CHTOP: variants seen among roughly 807,000 people sequenced by gnomAD.
CHTOP encodes chromatin target of PRMT1.
A neutral mutation model predicts 33.6 loss-of-function variants in CHTOP; 18 were observed. That is an observed-to-expected ratio of 0.54 (90% CI 0.37 to 0.80). The LOEUF (loss-of-function observed/expected upper bound fraction) is 0.80. CHTOP is among the 30% of genes least tolerant of loss of function. CHTOP has a pLI of 0.00. For missense variants in CHTOP, 263 were observed against 336.8 expected, an observed-to-expected ratio of 0.78 and a Z score of 1.71; for synonymous variants, 117 against 127.7, an observed-to-expected ratio of 0.92 and a Z score of 0.56.
chr1:153,639,017 A>T (rs1668517310), intron 3 of CHTOP, among the ~76,000 whole-genome samples: 1 of 151,938 alleles, frequency 6.6e-6, no homozygotes, highest in Non-Finnish European at 1.5e-5. Context: ...AACAGCTGGG[A>T]CTAAAGGTGC....
chr1:153,640,467 A>G (rs965336206), intron 3 of CHTOP, among the ~76,000 whole-genome samples: 2 of 151,970 alleles, frequency 1.3e-5, no homozygotes, highest in African/African-American at 4.8e-5. Context: ...ACTCTGTCTC[A>G]AGAAAATAAG....
At chr1:153,640,312 T>TG (rs1668572671) in intron 3 of CHTOP, among the ~76,000 whole-genome samples, 1 of 117,722 alleles carries the variant, frequency 8.5e-6, no homozygotes, top group South Asian at 2.7e-4. Flanking sequence ...CCATCTCTAC[T>TG]AAAAAAAAAA....
intron 1 of CHTOP, among the ~76,000 whole-genome samples, chr1:153,635,615 GT>G (rs1040571499): frequency 1.3e-5 from 2 of 151,960 alleles, no homozygotes; most frequent in Non-Finnish European, 2.9e-5. Context: ...GAGGTCAGGA[GT>G]TCAAGACCAC....
chr1:153,641,433 A>G (rs1571319426), intron 3 of CHTOP, among the ~76,000 whole-genome samples: 1 of 152,306 alleles, frequency 6.6e-6, no homozygotes, highest in Middle Eastern at 3.4e-3. Flanking sequence ...CTATCTCTGT[A>G]GTGTGTCCTT....
At position 153,643,360 on chromosome 1, in the gene CHTOP, T is replaced by A; in HGVS notation, c.537T>A (p.Gly179=). The change falls in exon 5 of 6, where the codon GGT becomes GGA. Residue 179 remains glycine, a synonymous_variant. Coordinates refer to ENST00000368694, the MANE Select transcript of CHTOP (RefSeq NM_015607.4). ...CTATGGGTCGTGGCGGAATCGGTGG[T>A]AGAGGTTAGTCAGCTACCAACTTCA... is the stretch of plus-strand genomic sequence containing the variant. ...RGAMGRGGIG[G]RGRGMIGRGR... is the part of the protein sequence containing the mutation. 6.4e-7 allele frequency: 1 copy of A among 1,556,268 alleles called. No individual in the cohort carries two copies. Among genetic ancestry groups the A allele is most frequent in the East Asian group, 2.3e-5 (1 of 43,210 alleles).
At chr1:153,640,342 G>A (rs915540978) in intron 3 of CHTOP, among the ~76,000 whole-genome samples, 9 of 150,270 alleles carry the variant, frequency 6.0e-5, no homozygotes, top group African/African-American at 1.7e-4. Context: ...GCATGGTGGC[G>A]CATACCTGTA....
rs751998358 is a variant in CHTOP at position 153,634,857 on chromosome 1, T to TATA, written c.-18+514_-18+515insATA. On this transcript the variant is annotated intron_variant, in intron 1 of 5. Transcript: ENST00000368694. ...ATATATACATACATATATATATATA[T>TATA]TTTTTTTTGGGGGGGGACGGAGTTT... Among the ~76,000 whole-genome samples, 117 of 86,818 alleles carry TATA rather than the reference T, an allele frequency of 1.3e-3. 1 individual carries two copies. Among genetic ancestry groups the TATA allele is most frequent in the Admixed American group, 0.01 (72 of 7,112 alleles). The allele number at this position is 86,818 out of a possible 152,430, so 57.0% of individuals were successfully genotyped here. A position where few individuals can be genotyped will look rare whatever the true frequency, so the allele number is the denominator to read the frequency against.
intron 3 of CHTOP, among the ~76,000 whole-genome samples, chr1:153,641,638 TTC>T (rs1668628008): frequency 6.6e-6 from 1 of 152,226 alleles, no homozygotes. Flanking sequence ...AGATTTGACT[TTC>T]TTGTGTTTAT....
Position 153,638,455 on chromosome 1 carries a change from G to A in CHTOP, c.219+7G>A, listed in dbSNP as rs769743553. ...AGCATTAAAACTTAAGCAGGTGAGA[G>A]AATGGGTCTTAATGCTCCAGAAGCA... On this transcript the variant is annotated splice_region_variant and intron_variant, in intron 3 of 5. Coordinates refer to ENST00000368694, the MANE Select transcript of CHTOP (RefSeq NM_015607.4). The A allele has an allele frequency of 1.2e-6, 2 of 1,614,138 alleles. No individual in the cohort carries two copies. The highest frequency in any genetic ancestry group is 1.7e-6 in the Non-Finnish European group (2 of 1,180,004).
At chr1:153,643,086 T>A in intron 4 of CHTOP, 141 bp from the exon 5 acceptor site, 1 of 916,408 alleles carries the variant, frequency 1.1e-6, no homozygotes, top group Non-Finnish European at 1.8e-6. Context: ...GCTTAATCTG[T>A]TCACAGTATG....
At chr1:153,643,404 CTTTCCTCCCTTAA>C in intron 5 of CHTOP, 40 bp downstream of exon 5, 1 of 1,471,754 alleles carries the variant, frequency 6.8e-7, no homozygotes, top group Non-Finnish European at 9.0e-7. Context: ...CTCCCCCTTA[CTTTCCTCCCTTAA>C]AAACTCAGAG....
chr1:153,642,992 G>T, intron 4 of CHTOP: 1 of 530,370 alleles, frequency 1.9e-6, no homozygotes, highest in East Asian at 3.5e-5. Context: ...TTTATTAAAT[G>T]TATGTACTTA....
chr1:153,639,423 G>A (rs1194012809), intron 3 of CHTOP: 1 of 983,296 alleles, frequency 1.0e-6, no homozygotes, highest in Non-Finnish European at 1.2e-6. Context: ...AGCTGTGGCT[G>A]GGCGTCTGGA....
At chr1:153,644,013 T>G (rs1229702259) in intron 5 of CHTOP, 1 of 152,232 alleles carries the variant, frequency 6.6e-6, no homozygotes, top group Non-Finnish European at 1.5e-5. Context: ...AGTTTAATGA[T>G]GTTGCTGCTG....
intron 3 of CHTOP, among the ~76,000 whole-genome samples, chr1:153,641,657 C>A (rs1258048862): frequency 6.6e-6 from 1 of 152,154 alleles, no homozygotes; most frequent in Non-Finnish European, 1.5e-5. Context: ...TTATTTACAT[C>A]TTAAGGTAAA....
intron 1 of CHTOP, 85 bp from the exon 2 acceptor site, chr1:153,636,487 T>G: frequency 9.3e-7 from 1 of 1,074,894 alleles, no homozygotes; most frequent in Admixed American, 2.0e-5. Context: ...TAAGGCCTTT[T>G]TATTTATTTT....
In CHTOP at chr1:153,642,324, A is replaced by G. The variant is rs779751752; in HGVS notation, c.298A>G (p.Ile100Val). ...RPIGALARGA[I>V]GGRGLPIIQR... is the part of the protein sequence containing the mutation. Reference sequence around the variant, plus strand: ...CATAGGGGCCCTGGCCAGGGGAGCAATCGGAGGACGAGGCCTACCCATAAT... The same window carrying G: ...CATAGGGGCCCTGGCCAGGGGAGCAGTCGGAGGACGAGGCCTACCCATAAT... The change falls in exon 4 of 6, where the codon ATC (isoleucine) becomes GTC (valine). Residue 100 changes from isoleucine (I) to valine (V), a missense_variant. By Grantham distance (29) the Ile-to-Val change is conservative. This residue lies in a region of CHTOP where 168 missense variants were observed against 179.9 expected (regional missense o/e 0.93). Coordinates refer to ENST00000368694, the MANE Select transcript of CHTOP (RefSeq NM_015607.4). The G allele has an allele frequency of 1.6e-4, 253 of 1,614,048 alleles. 1 individual carries two copies. The highest frequency in any genetic ancestry group is 2.0e-4 in the Non-Finnish European group (235 of 1,180,014).
intron 1 of CHTOP, among the ~76,000 whole-genome samples, chr1:153,635,798 G>A (rs1668362626): frequency 6.6e-6 from 1 of 151,816 alleles, no homozygotes; most frequent in Non-Finnish European, 1.5e-5. Context: ...CTCCAGCCTG[G>A]GCGACAGAGC....
At chr1:153,642,173 T>C (rs1668648266) in intron 3 of CHTOP, 73 bp from the exon 4 acceptor site, 2 of 1,317,790 alleles carry the variant, frequency 1.5e-6, no homozygotes, top group South Asian at 2.8e-5. Flanking sequence ...TCTTTTTCTC[T>C]GCACTTTGAG....
Sources: allele counts gnomAD v4.1 joint callset (sites outside exome capture counted in the v4.1 genomes callset), GRCh38; gene constraint gnomAD v4.1.1; regional missense constraint gnomAD v4.1.1; transcripts MANE v1.5; gene names NCBI Gene and HGNC (gene_info 2026-07-23, HGNC 2026-07-21).